Variants in RAPGEF4 observed in about 807,000 individuals in gnomAD.
RAPGEF4 encodes Rap guanine nucleotide exchange factor 4.
Under a neutral mutation model 147.9 loss-of-function variants are expected in RAPGEF4, and 66 were observed. The ratio of observed to expected loss-of-function variants is 0.45; its 90% CI spans 0.37 to 0.55. RAPGEF4 has a LOEUF of 0.55. RAPGEF4 is among the 20% of genes least tolerant of loss of function. The pLI, the probability that RAPGEF4 is intolerant of heterozygous loss-of-function variation, is 0.00. For synonymous variants in RAPGEF4, 419 were observed against 442.7 expected, an observed-to-expected ratio of 0.95 and a Z score of 0.67; for missense variants, 1,071 against 1,257.3, an observed-to-expected ratio of 0.85 and a Z score of 2.24.
rs1312359055 is a variant in RAPGEF4 at position 173,036,682 on chromosome 2, T to C, written c.2843T>C (p.Phe948Ser). The C allele has an allele frequency of 6.2e-7, 1 of 1,607,894 alleles. No homozygotes were observed. The highest frequency in any genetic ancestry group is 1.3e-5 in the African/African-American group (1 of 74,642). Residue 948 changes from phenylalanine (F) to serine (S), a missense_variant, in exon 29 of 31, where the codon TTT becomes TCT. Physicochemically the swap from Phe to Ser is radical, Grantham distance 155. Transcript: ENST00000397081. ...ACGTTCATTGACAATCTAGTAAACT[T>C]TGAAAAAATGGTATGTGCAGTATTA... ...NKTFIDNLVNFEKMRMIANTA... is the reference protein window; with the variant it reads ...NKTFIDNLVNSEKMRMIANTA...
intron 1 of RAPGEF4, among the ~76,000 whole-genome samples, chr2:172,737,051 G>A (rs1559013803): frequency 6.6e-6 from 1 of 152,212 alleles, no homozygotes; most frequent in Admixed American, 6.5e-5. Context: ...AAAATCTTAA[G>A]TGTGACGTGC....
At chr2:172,843,136 CAGTA>C (rs1691804648) in intron 4 of RAPGEF4, among the ~76,000 whole-genome samples, 1 of 152,058 alleles carries the variant, frequency 6.6e-6, no homozygotes, top group Non-Finnish European at 1.5e-5. Context: ...GAGTTTATTA[CAGTA>C]GTCTAGATAT....
intron 3 of RAPGEF4, among the ~76,000 whole-genome samples, chr2:172,800,231 G>A (rs534545537): frequency 1.2e-3 from 182 of 152,278 alleles, no homozygotes; most frequent in Non-Finnish European, 2.3e-3. Context: ...ATAAAAGGAA[G>A]AGAAAGCTCA....
At chr2:172,932,584 A>T (rs2676518) in intron 6 of RAPGEF4, among the ~76,000 whole-genome samples, 140,605 of 152,268 alleles carry the variant, frequency 0.92, 65,991 homozygotes, top group East Asian at 1. Flanking sequence ...CTCTGTAGAA[A>T]TTTATTCTAC....
rs565295077 is a variant in RAPGEF4 at position 173,047,058 on chromosome 2, G to A, written c.2854-1542G>A. On this transcript the variant is annotated intron_variant, in intron 29 of 30. Transcript: ENST00000397081. ...AGAGATCGGGGAGTCTCTTTCCCTG[G>A]GTGGAGCCTTATCAATTTTCTGCTA... 1.1e-4 allele frequency among the ~76,000 whole-genome samples: 17 copies of A among 152,128 alleles called. 1 individual carries two copies. The South Asian group carries it at 3.5e-3, about 32-fold the overall frequency.
At chr2:172,895,120 G>A (rs1039289293) in intron 4 of RAPGEF4, among the ~76,000 whole-genome samples, 2 of 152,094 alleles carry the variant, frequency 1.3e-5, no homozygotes, top group Admixed American at 6.6e-5. Flanking sequence ...GCAGCAGCCT[G>A]ACAGCCACTT....
At position 172,847,706 on chromosome 2, in the gene RAPGEF4, G is replaced by C. The variant is rs533049982; in HGVS notation, c.444+33281G>C. On this transcript the variant is annotated intron_variant, in intron 4 of 30. Coordinates refer to ENST00000397081, the MANE Select transcript of RAPGEF4 (RefSeq NM_007023.4). The stretch of plus-strand genomic sequence containing the variant: ...AATCAGAGTCCCATTACCTTATTGG[G>C]ACAAAACATGTAAAAGGGCAGGGAC... Among the ~76,000 whole-genome samples the C allele has an allele frequency of 2.0e-5, 3 of 152,314 alleles. No individual in the cohort carries two copies. In the South Asian group the frequency reaches 6.2e-4, roughly 32 times the overall value.
chr2:172,770,804 T>C lies in RAPGEF4; in HGVS notation c.66-24221T>C, dbSNP rs1316379949. 2.6e-5 allele frequency among the ~76,000 whole-genome samples: 4 copies of C among 152,154 alleles called. 1 individual carries two copies. Among genetic ancestry groups the C allele is most frequent in the Admixed American group, 2.0e-4 (3 of 15,284 alleles). ...TTAGGCCAGAACTTCCCAACTAATA[T>C]GCGGTATTGGTATACCTAAGGGACT... On this transcript the variant is annotated intron_variant, in intron 1 of 30. Transcript: ENST00000397081.
intron 1 of RAPGEF4, among the ~76,000 whole-genome samples, chr2:172,739,393 A>G (rs542447191): frequency 6.7e-6 from 1 of 150,096 alleles, no homozygotes; most frequent in Admixed American, 6.6e-5. Context: ...GTTTTTTGAG[A>G]TGGAGTCTCA....
intron 4 of RAPGEF4, among the ~76,000 whole-genome samples, chr2:172,842,667 C>G (rs1027420052): frequency 6.6e-6 from 1 of 152,220 alleles, no homozygotes; most frequent in Non-Finnish European, 1.5e-5. Context: ...CAGCAAGAGG[C>G]TTCATGACAA....
In RAPGEF4 at chr2:173,014,508, A is replaced by G. The variant is rs370697748; in HGVS notation, c.1703A>G (p.Asp568Gly). 1.2e-6 allele frequency: 2 copies of G among 1,613,956 alleles called. No homozygotes were observed. The highest frequency in any genetic ancestry group is 1.7e-6 in the Non-Finnish European group (2 of 1,180,000). The change falls in exon 18 of 31, where the codon GAT becomes GGT. Residue 568 changes from aspartate to glycine, a missense_variant. Coordinates refer to ENST00000397081, the MANE Select transcript of RAPGEF4 (RefSeq NM_007023.4). Reference protein sequence around the residue: ...PSQGTEQEKMDYALNNKRRVI... With the variant: ...PSQGTEQEKMGYALNNKRRVI... ...CAAGGTACAGAACAGGAGAAAATGG[A>G]TTATGCCCTCAACAATAAGAGGCGA...
chr2:172,882,071 G>A (rs1218024121), intron 4 of RAPGEF4, among the ~76,000 whole-genome samples: 1 of 152,182 alleles, frequency 6.6e-6, no homozygotes, highest in African/African-American at 2.4e-5. Context: ...ACAGGGGACT[G>A]TTGATAATTA....
intron 4 of RAPGEF4, among the ~76,000 whole-genome samples, chr2:172,855,029 C>CTA (rs1693264609): frequency 6.6e-6 from 1 of 152,128 alleles, no homozygotes; most frequent in Non-Finnish European, 1.5e-5. Context: ...CACAGTAGAT[C>CTA]TAAAAATCAC....
chr2:173,036,317 C>T (rs1014062259), intron 28 of RAPGEF4, 105 bp downstream of exon 28: 2 of 915,858 alleles, frequency 2.2e-6, no homozygotes, highest in East Asian at 2.6e-5. Flanking sequence ...TGATCGATCC[C>T]ATCCTTCTGC....
intron 1 of RAPGEF4, among the ~76,000 whole-genome samples, chr2:172,765,609 T>C (rs1696759718): frequency 6.6e-6 from 1 of 152,186 alleles, no homozygotes; most frequent in Non-Finnish European, 1.5e-5. Context: ...GTGCTGAGTA[T>C]GTACTGTGGG....
At chr2:172,857,789 G>A (rs1294202680) in intron 4 of RAPGEF4, among the ~76,000 whole-genome samples, 4 of 151,392 alleles carry the variant, frequency 2.6e-5, no homozygotes, top group East Asian at 2.0e-4. Flanking sequence ...CTGAGGTGGC[G>A]AAGATCACTT....
chr2:173,022,694 G>A (rs1339956976), intron 23 of RAPGEF4, among the ~76,000 whole-genome samples: 1 of 152,198 alleles, frequency 6.6e-6, no homozygotes, highest in Non-Finnish European at 1.5e-5. Flanking sequence ...GCTAAAGCCA[G>A]AGAGATGAGA....
intron 4 of RAPGEF4, chr2:172,860,388 C>T (rs901417852): frequency 1.6e-4 from 140 of 893,638 alleles, no homozygotes; most frequent in Non-Finnish European, 1.9e-4. Context: ...TTCATGGAAG[C>T]CTCAAGCATG....
At chr2:172,835,087 GC>G (rs1559066682) in intron 4 of RAPGEF4, among the ~76,000 whole-genome samples, 3 of 152,142 alleles carry the variant, frequency 2.0e-5, no homozygotes, top group Non-Finnish European at 4.4e-5. Context: ...AGATCAAACT[GC>G]TCTCTTTCCT....
Sources: gnomAD v4.1 joint callset for allele counts (sites outside exome capture counted in the v4.1 genomes callset) on GRCh38, gnomAD v4.1.1 for gene constraint, MANE v1.5 for transcripts, NCBI Gene and HGNC (gene_info 2026-07-23, HGNC 2026-07-21) for gene names.